CCDC39: variants seen among roughly 807,000 people sequenced by gnomAD.
CCDC39 encodes coiled-coil domain 39 molecular ruler complex subunit.
In CCDC39, 113 loss-of-function variants were observed where a neutral mutation model predicts 121.0. The observed-to-expected ratio is 0.93, with a 90% CI of 0.80 to 1.09. CCDC39 has a LOEUF of 1.09. Ranked by LOEUF, CCDC39 falls within the 50% of genes least tolerant of loss-of-function variation. CCDC39 has a pLI of 0.00. For synonymous variants in CCDC39, 349 were observed against 352.2 expected, an observed-to-expected ratio of 0.99 and a Z score of 0.10; for missense variants, 1,063 against 1,074.7, an observed-to-expected ratio of 0.99 and a Z score of 0.15.
chr3:180,664,697 TC>T (rs563337458), intron 1 of CCDC39, among the ~76,000 whole-genome samples: 2,533 of 149,938 alleles, frequency 0.017, 27 homozygotes, highest in African/African-American at 0.03. Context: ...CCACAAGAGA[TC>T]TTTTTTTTTT....
chr3:180,647,983 G>GA (rs1001213877), intron 10 of CCDC39, among the ~76,000 whole-genome samples, 182 bp downstream of exon 10: 14 of 151,900 alleles, frequency 9.2e-5, no homozygotes, highest in African/African-American at 3.1e-4. Flanking sequence ...AGATTGAGGG[G>GA]AAAAAATAGT....
chr3:180,668,902 T>G (rs1711958553), intron 1 of CCDC39, among the ~76,000 whole-genome samples: 1 of 152,168 alleles, frequency 6.6e-6, no homozygotes, highest in Non-Finnish European at 1.5e-5. Flanking sequence ...TGTCAGTCCT[T>G]TCTTTGGTGA....
intron 14 of CCDC39, among the ~76,000 whole-genome samples, chr3:180,620,538 G>A (rs570645279): frequency 1.3e-5 from 2 of 152,078 alleles, no homozygotes; most frequent in South Asian, 4.1e-4. Context: ...CTTTCTACCA[G>A]GGTAATGCTG....
In CCDC39 at chr3:180,659,520, T is replaced by A; in HGVS notation, c.670A>T (p.Ile224Phe). The A allele has an allele frequency of 1.2e-6, 2 of 1,613,448 alleles. No individual in the cohort carries two copies. Among genetic ancestry groups the A allele is most frequent in the Non-Finnish European group, 1.7e-6 (2 of 1,179,566 alleles). Residue 224 changes from isoleucine to phenylalanine, a missense_variant, in exon 6 of 20, where the codon ATT becomes TTT. Ile to Phe is a conservative substitution (Grantham distance 21). Transcript: ENST00000476379. ...RKIHNERQEL[I>F]KQWENTIEQM... The stretch of plus-strand genomic sequence containing the variant: ...TCTATTGTGTTCTCCCATTGTTTAA[T>A]GAGTTCTTGTCTTTCATTATGAATC...
At chr3:180,623,240 AG>A (rs1369542475) in intron 14 of CCDC39, among the ~76,000 whole-genome samples, 1 of 151,604 alleles carries the variant, frequency 6.6e-6, no homozygotes, top group Non-Finnish European at 1.5e-5. Context: ...CATTTACTCT[AG>A]GTTTTCTAAT....
intron 1 of CCDC39, among the ~76,000 whole-genome samples, chr3:180,667,483 A>T (rs1040306512): frequency 2.0e-5 from 3 of 151,912 alleles, no homozygotes; most frequent in Non-Finnish European, 2.9e-5. Context: ...AATATTTAAA[A>T]TTTTTTCATT....
intron 2 of CCDC39, 90 bp downstream of exon 2, chr3:180,663,777 T>C: frequency 8.2e-7 from 1 of 1,226,598 alleles, no homozygotes. Flanking sequence ...TAAGGTTTCC[T>C]ATTATAGCTG....
intron 9 of CCDC39, among the ~76,000 whole-genome samples, chr3:180,650,012 A>T (rs1718161106): frequency 6.6e-6 from 1 of 152,232 alleles, no homozygotes; most frequent in African/African-American, 2.4e-5. Flanking sequence ...GCTGGATCCC[A>T]TCCAAATACA....
chr3:180,648,507 A>C (rs1171507445), intron 9 of CCDC39, 148 bp from the exon 10 acceptor site: 2 of 529,586 alleles, frequency 3.8e-6, no homozygotes, highest in African/African-American at 3.9e-5. Context: ...CAATTTTAAC[A>C]AGTCCCCAGC....
intron 10 of CCDC39, 60 bp downstream of exon 10, chr3:180,648,105 T>C: frequency 1.5e-6 from 2 of 1,348,746 alleles, no homozygotes; most frequent in Non-Finnish European, 2.1e-6. Context: ...ACATGGCGTA[T>C]CTTGACCATC....
rs1408267983 is a variant in CCDC39, at chr3:180,675,876, C to G, written c.90+3415G>C. On this transcript the variant is annotated intron_variant, in intron 1 of 19. Coordinates refer to ENST00000476379, the MANE Select transcript of CCDC39 (RefSeq NM_181426.2). Reference sequence around the variant, plus strand: ...ACCATCTGATCTTTGACAAACCTGACAAAAACAAGAAATGGGGAAGGGATT... The same window carrying G: ...ACCATCTGATCTTTGACAAACCTGAGAAAAACAAGAAATGGGGAAGGGATT... 2.7e-5 allele frequency among the ~76,000 whole-genome samples: 4 copies of G among 150,412 alleles called. No individual in the cohort carries two copies. The East Asian group carries it at 7.9e-4, about 30-fold the overall frequency.
At chr3:180,642,880 A>T (rs1194805647) in intron 12 of CCDC39, among the ~76,000 whole-genome samples, 1 of 152,178 alleles carries the variant, frequency 6.6e-6, no homozygotes, top group African/African-American at 2.4e-5. Flanking sequence ...TTGATGTTTT[A>T]AAAAAAGTTT....
At chr3:180,658,569 C>T (rs1415262829) in intron 6 of CCDC39, among the ~76,000 whole-genome samples, 1 of 151,558 alleles carries the variant, frequency 6.6e-6, no homozygotes, top group Non-Finnish European at 1.5e-5. Flanking sequence ...TGCACTCCAG[C>T]CTTGGTGACA....
At chr3:180,663,733 G>A in intron 2 of CCDC39, 134 bp downstream of exon 2, 1 of 831,484 alleles carries the variant, frequency 1.2e-6, no homozygotes, top group Non-Finnish European at 1.8e-6. Context: ...CTACTTTCAT[G>A]TTCAAGGTTA....
chr3:180,616,554 T>C lies in CCDC39; in HGVS notation c.2548A>G (p.Thr850Ala), dbSNP rs201963508. 1.8e-4 allele frequency: 281 copies of C among 1,593,646 alleles called. 1 individual carries two copies. The highest frequency in any genetic ancestry group is 2.2e-4 in the Non-Finnish European group (263 of 1,170,220). ...EMLVDIIEEN[T>A]EIRIILQTYF... Reference sequence around the variant, plus strand: ...GTTTGAAGGATAATACGGATCTCAGTATTTTCTTCTATGATATCAACTAAC... The same window carrying C: ...GTTTGAAGGATAATACGGATCTCAGCATTTTCTTCTATGATATCAACTAAC... Residue 850 changes from threonine (T) to alanine (A), a missense_variant, in exon 18 of 20, where the codon ACT (threonine) becomes GCT (alanine). Thr to Ala is a moderately conservative substitution (Grantham distance 58, BLOSUM62 0). Transcript: ENST00000476379.
rs751490961 is a variant in CCDC39 at position 180,616,610 on chromosome 3, A to C, written c.2492T>G (p.Met831Arg). The C allele has an allele frequency of 1.3e-6, 2 of 1,597,524 alleles. No homozygotes were observed. Among genetic ancestry groups the C allele is most frequent in the South Asian group, 1.1e-5 (1 of 87,970 alleles). Reference sequence around the variant, plus strand: ...ATCAATAACTTTGTGAAACTGTTTCATTTCACGAAGTTTGATGTCTTGTTC... The same window carrying C: ...ATCAATAACTTTGTGAAACTGTTTCCTTTCACGAAGTTTGATGTCTTGTTC... ...MEEQDIKLRE[M>R]KQFHKVIDEM... Residue 831 changes from methionine (M) to arginine (R), a missense_variant, in exon 18 of 20, where the codon ATG becomes AGG. By Grantham distance (91) the Met-to-Arg change is moderately conservative. Transcript: ENST00000476379.
At chr3:180,636,416 A>T (rs1717829781) in intron 13 of CCDC39, among the ~76,000 whole-genome samples, 1 of 152,198 alleles carries the variant, frequency 6.6e-6, no homozygotes, top group Non-Finnish European at 1.5e-5. Context: ...AAAGATCTCT[A>T]CAATGAGAAT....
chr3:180,643,960 C>T (rs1167212950), intron 12 of CCDC39, among the ~76,000 whole-genome samples, 160 bp downstream of exon 12: 1 of 152,168 alleles, frequency 6.6e-6, no homozygotes, highest in East Asian at 1.9e-4. Flanking sequence ...AATTTCTTTA[C>T]AAGACTGGAG....
chr3:180,616,429 A>G, intron 18 of CCDC39, 66 bp from the exon 19 acceptor site: 1 of 1,511,856 alleles, frequency 6.6e-7, no homozygotes, highest in Non-Finnish European at 8.9e-7. Context: ...AATATTTTTA[A>G]TTAGCTTTCA....
Sources: gnomAD v4.1 joint callset for allele counts (sites outside exome capture counted in the v4.1 genomes callset) on GRCh38, gnomAD v4.1.1 for gene constraint, MANE v1.5 for transcripts, NCBI Gene and HGNC (gene_info 2026-07-23, HGNC 2026-07-21) for gene names.